Variants in GPHN observed in about 807,000 individuals in gnomAD.
The protein encoded by GPHN is gephyrin.
A neutral mutation model predicts 95.5 loss-of-function variants in GPHN; 17 were observed. The observed-to-expected ratio is 0.18, with a 90% CI of 0.12 to 0.27. The LOEUF is 0.27. Among genes scored for constraint, GPHN ranks in the 10% least tolerant of loss-of-function variants. The probability of loss-of-function intolerance (pLI) is 1.00; values close to 1 mark genes in which losing one functional copy is unlikely to be tolerated. For missense variants in GPHN, 660 were observed against 978.1 expected (o/e 0.67, Z 4.34); for synonymous variants, 320 against 322.5 (o/e 0.99, Z 0.08).
chr14:67,158,662 A>G (rs903167497), intron 18 of GPHN, among the ~76,000 whole-genome samples: 3 of 152,038 alleles, frequency 2.0e-5, no homozygotes, highest in African/African-American at 7.2e-5. Flanking sequence ...AAGGAGTGCA[A>G]TTTTTTTCTT....
chr14:67,424,591 G>A, the GPHN span, among the ~76,000 whole-genome samples: 3 of 117,784 alleles, frequency 2.5e-5, no homozygotes, highest in South Asian at 5.5e-4. Context: ...AGAAAAAGAC[G>A]CTGTTTAAAA....
chr14:67,077,785 AC>A (rs201368516), intron 11 of GPHN, among the ~76,000 whole-genome samples: 1,831 of 152,234 alleles, frequency 0.012, 19 homozygotes, highest in Non-Finnish European at 0.018. Context: ...TAAAAAGACT[AC>A]CCTTTTTGAT....
chr14:67,112,308 C>T (rs2078424914), intron 15 of GPHN, among the ~76,000 whole-genome samples: 2 of 152,054 alleles, frequency 1.3e-5, no homozygotes, highest in African/African-American at 4.8e-5. Context: ...CTAGTGACTA[C>T]CAATAATAAT....
intron 2 of GPHN, among the ~76,000 whole-genome samples, chr14:66,745,365 G>A (rs2058099574): frequency 6.6e-6 from 1 of 151,954 alleles, no homozygotes; most frequent in Non-Finnish European, 1.5e-5. Context: ...ACTTCAGCAT[G>A]TTTCCCTAAA....
At chr14:67,587,324 T>C in the GPHN span, 15 of 1,428,568 alleles carry the variant, frequency 1.0e-5, no homozygotes, top group South Asian at 1.1e-4. Flanking sequence ...GTGACGGGTC[T>C]AACAGCCCCC....
At chr14:66,942,416 T>G (rs2153573580) in intron 8 of GPHN, among the ~76,000 whole-genome samples, 1 of 152,348 alleles carries the variant, frequency 6.6e-6, no homozygotes, top group African/African-American at 2.4e-5. Context: ...CCAAAGTTAT[T>G]AGAAACCTGC....
chr14:67,431,420 A>C, the GPHN span, among the ~76,000 whole-genome samples: 1 of 135,086 alleles, frequency 7.4e-6, no homozygotes, highest in African/African-American at 3.0e-5. Flanking sequence ...AAAAAAAAAA[A>C]ACGGTTTAGT....
intron 11 of GPHN, among the ~76,000 whole-genome samples, chr14:67,071,961 T>G (rs1016649532): frequency 6.6e-6 from 1 of 152,164 alleles, no homozygotes; most frequent in African/African-American, 2.4e-5. Flanking sequence ...TACACAGCTT[T>G]TATTGACTAT....
At chr14:67,697,731 A>G in the GPHN span, among the ~76,000 whole-genome samples, 1 of 152,220 alleles carries the variant, frequency 6.6e-6, no homozygotes, top group Admixed American at 6.5e-5. Flanking sequence ...CAAATGCCAG[A>G]GGAGCCAAGA....
intron 8 of GPHN, among the ~76,000 whole-genome samples, chr14:66,938,676 A>G (rs991079827): frequency 6.6e-6 from 1 of 152,200 alleles, no homozygotes; most frequent in Non-Finnish European, 1.5e-5. Flanking sequence ...AATTCTTTCC[A>G]TGAAGCTTTT....
At chr14:67,182,278 C>G (rs2083337213), downstream of GPHN, among the ~76,000 whole-genome samples, 1 of 152,050 alleles carries the variant, frequency 6.6e-6, no homozygotes, top group Non-Finnish European at 1.5e-5. Flanking sequence ...ATAGAAAACA[C>G]AATAGGTAAA....
chr14:67,193,694 G>A, the GPHN span, among the ~76,000 whole-genome samples: 1 of 147,856 alleles, frequency 6.8e-6, no homozygotes, highest in African/African-American at 2.5e-5. Flanking sequence ...TATAATCCCA[G>A]CACTTTGGGA....
At chr14:67,432,605 C>T in the GPHN span, among the ~76,000 whole-genome samples, 1 of 152,178 alleles carries the variant, frequency 6.6e-6, no homozygotes, top group African/African-American at 2.4e-5. Context: ...TGTGAAGAGC[C>T]TGGTGTTCTA....
chr14:66,903,877 T>C (rs1471603895), intron 5 of GPHN, among the ~76,000 whole-genome samples: 1 of 152,164 alleles, frequency 6.6e-6, no homozygotes, highest in Non-Finnish European at 1.5e-5. Context: ...TTTAAAAAGA[T>C]GACAACTTAT....
At chr14:67,430,525 A>G in the GPHN span, among the ~76,000 whole-genome samples, 1 of 152,204 alleles carries the variant, frequency 6.6e-6, no homozygotes, top group East Asian at 1.9e-4. Context: ...TCCTAAGGAA[A>G]GAAGAAGCAG....
chr14:67,170,243 A>G (rs1000151905), intron 21 of GPHN, among the ~76,000 whole-genome samples: 5 of 152,194 alleles, frequency 3.3e-5, no homozygotes, highest in Non-Finnish European at 7.3e-5. Flanking sequence ...TTAAAATTTC[A>G]TGAAAAATTT....
At chr14:66,687,486 GTT>G (rs1200775448) in intron 2 of GPHN, among the ~76,000 whole-genome samples, 53 of 124,932 alleles carry the variant, frequency 4.2e-4, no homozygotes, top group African/African-American at 1.4e-3. Context: ...ATTTTATTTG[GTT>G]TTTTTTTTTT....
the GPHN span, chr14:67,588,054 ATG>A: frequency 6.6e-6 from 1 of 152,610 alleles, no homozygotes; most frequent in Non-Finnish European, 1.5e-5. Flanking sequence ...CATTATTGGT[ATG>A]TAGGCATTGG....
the GPHN span, chr14:67,333,200 C>G: frequency 2.8e-6 from 1 of 355,050 alleles, no homozygotes; most frequent in Non-Finnish European, 5.1e-6. Context: ...TAAATGGAAG[C>G]TTTCAACAGA....
Sources: allele counts gnomAD v4.1 joint callset (sites outside exome capture counted in the v4.1 genomes callset), GRCh38; gene constraint gnomAD v4.1.1; transcripts MANE v1.5; gene names NCBI Gene and HGNC (gene_info 2026-07-23, HGNC 2026-07-21).